UGP2: variants seen among roughly 807,000 people sequenced by gnomAD.
UGP2 encodes the protein UDP-glucose pyrophosphorylase 2.
A neutral mutation model predicts 49.0 loss-of-function variants in UGP2; 40 were observed. The ratio of observed to expected loss-of-function variants is 0.82; its 90% CI spans 0.63 to 1.06. UGP2 has a LOEUF of 1.06. Among genes scored for constraint, UGP2 ranks in the 50% least tolerant of loss-of-function variants. The pLI, the probability that UGP2 is intolerant of heterozygous loss-of-function variation, is 0.00. For synonymous variants in UGP2, 225 were observed against 213.0 expected, an observed-to-expected ratio of 1.06 and a Z score of -0.49; for missense variants, 460 against 603.5, an observed-to-expected ratio of 0.76 and a Z score of 2.49.
At chr2:63,888,807 T>C (rs555793273) in intron 8 of UGP2, 42 of 152,334 alleles carry the variant, frequency 2.8e-4, no homozygotes, top group African/African-American at 9.9e-4. Context: ...ATCAGCGTTA[T>C]AACAAAGTAA....
At chr2:63,888,734 T>TG (rs1470273259) in intron 8 of UGP2, 1 of 152,206 alleles carries the variant, frequency 6.6e-6, no homozygotes, top group Non-Finnish European at 1.5e-5. Context: ...CACACAGATG[T>TG]GGGGAGAACG....
intron 3 of UGP2, among the ~76,000 whole-genome samples, chr2:63,878,800 A>C (rs1671101069): frequency 6.6e-6 from 1 of 152,142 alleles, no homozygotes. Context: ...TCCTGGGCTT[A>C]AGTGATCCTC....
chr2:63,889,300 G>GT (rs537842839), intron 8 of UGP2: 155 of 149,836 alleles, frequency 1.0e-3, no homozygotes, highest in Middle Eastern at 3.4e-3. Flanking sequence ...TTGAGTTTTT[G>GT]TTTTTTTTTA....
intron 3 of UGP2, among the ~76,000 whole-genome samples, chr2:63,859,459 T>TTTGTACTTTTGTACA (rs1669683274): frequency 1.3e-5 from 2 of 152,206 alleles, no homozygotes; most frequent in African/African-American, 4.8e-5. Flanking sequence ...TGGAGAAATC[T>TTTGTACTTTTGTACA]ATCTTTTGTA....
chr2:63,882,633 G>C lies in UGP2; in HGVS notation c.423G>C (p.Leu141=). The change falls in exon 4 of 10, where the codon CTG becomes CTC. Residue 141 remains leucine (L), a synonymous_variant. Transcript: ENST00000337130. ...GVRNENTFLD[L]TVQQIEHLNK... is the part of the protein sequence containing the mutation. ...GGAATGAGAATACCTTTCTGGATCTGACTGTTCAGCAAATTGAAGTGAGTA... is the reference window on the plus strand; with the variant it reads ...GGAATGAGAATACCTTTCTGGATCTCACTGTTCAGCAAATTGAAGTGAGTA... 1.9e-6 allele frequency: 3 copies of C among 1,577,704 alleles called. No homozygotes were observed. Among genetic ancestry groups the C allele is most frequent in the Middle Eastern group, 1.7e-4 (1 of 5,926 alleles).
chr2:63,848,269 T>C (rs147093722), intron 1 of UGP2, among the ~76,000 whole-genome samples: 123 of 152,312 alleles, frequency 8.1e-4, no homozygotes, highest in African/African-American at 2.8e-3. Flanking sequence ...GAACTTGGAG[T>C]AATAGTGTTT....
intron 1 of UGP2, among the ~76,000 whole-genome samples, chr2:63,850,379 G>A (rs1451010106): frequency 1.3e-5 from 2 of 152,092 alleles, no homozygotes; most frequent in Non-Finnish European, 2.9e-5. Flanking sequence ...ATATATCTCA[G>A]TGTAGTCATA....
chr2:63,845,318 A>G lies in UGP2; in HGVS notation c.19+3114A>G, dbSNP rs141776028. 7.0e-3 allele frequency among the ~76,000 whole-genome samples: 1,066 copies of G among 152,258 alleles called. 19 individuals carry two copies. The highest frequency in any genetic ancestry group is 0.025 in the African/African-American group (1,029 of 41,546). On this transcript the variant is annotated intron_variant, in intron 1 of 9. Coordinates refer to ENST00000337130, the MANE Select transcript of UGP2 (RefSeq NM_006759.4). The stretch of plus-strand genomic sequence containing the variant: ...TTATTGAGAGGCTGAAATGAGATGA[A>G]CTATGTGGATGTGCTAGGCACATAT...
At chr2:63,866,718 A>C (rs1244477994) in intron 3 of UGP2, among the ~76,000 whole-genome samples, 2 of 152,162 alleles carry the variant, frequency 1.3e-5, no homozygotes, top group Non-Finnish European at 2.9e-5. Flanking sequence ...ATAGGTGGGA[A>C]ATGAGGGTAG....
At chr2:63,861,525 T>TC (rs1669844833) in intron 3 of UGP2, among the ~76,000 whole-genome samples, 1 of 105,242 alleles carries the variant, frequency 9.5e-6, no homozygotes, top group Non-Finnish European at 2.5e-5. Flanking sequence ...CCTCTACAAA[T>TC]TTTTTTTTTT....
rs141718004 is a variant in UGP2, at chr2:63,883,848, C to T, written c.442-112C>T. The T allele has an allele frequency of 6.9e-4, 926 of 1,344,648 alleles. 13 individuals carry two copies. The East Asian group carries it at 0.018, about 27-fold the overall frequency. The allele number at this position is 1,344,648 out of a possible 1,614,324, so 83.3% of individuals were successfully genotyped here. On this transcript the variant is annotated intron_variant, in intron 4 of 9. Transcript: ENST00000337130. Reference sequence around the variant, plus strand: ...TTTGTCAAATCTGTATATTTGGCTACGTACAGATGATGTTTTAGATATTTT... The same window carrying T: ...TTTGTCAAATCTGTATATTTGGCTATGTACAGATGATGTTTTAGATATTTT...
chr2:63,867,168 C>A, intron 3 of UGP2, among the ~76,000 whole-genome samples: 1 of 152,148 alleles, frequency 6.6e-6, no homozygotes, highest in Non-Finnish European at 1.5e-5. Context: ...TTACTTCAAG[C>A]TCTATGTAAA....
intron 6 of UGP2, 67 bp from the exon 7 acceptor site, chr2:63,886,274 C>A: frequency 1.4e-6 from 2 of 1,439,902 alleles, no homozygotes; most frequent in South Asian, 2.3e-5. Flanking sequence ...TAATCACTAT[C>A]TTTGTATTTA....
At chr2:63,841,431 C>T (rs1210297391), upstream of UGP2, among the ~76,000 whole-genome samples, 3 of 152,064 alleles carry the variant, frequency 2.0e-5, no homozygotes, top group African/African-American at 7.2e-5. Flanking sequence ...CGCCGGTGCA[C>T]GGGTCTGCCT....
intron 3 of UGP2, among the ~76,000 whole-genome samples, chr2:63,870,047 T>C (rs1464285684): frequency 1.3e-5 from 2 of 151,586 alleles, no homozygotes; most frequent in East Asian, 1.9e-4. Flanking sequence ...CTCAGCCTCC[T>C]GAGTAGCTGG....
rs1386772684 is a variant in UGP2 at position 63,887,473 on chromosome 2, T to G, written c.1143T>G (p.Asn381Lys). The change falls in exon 8 of 10, where the codon AAT becomes AAG. Residue 381 changes from asparagine (N) to lysine (K), a missense_variant. Asn to Lys is a moderately conservative substitution (Grantham distance 94, BLOSUM62 0). Transcript: ENST00000337130. ...GGGCTGCCATCAAAAGTTTTGAGAA[T>G]TCTCTAGGTATTAATGTGCCAAGGA... is the stretch of plus-strand genomic sequence containing the variant. ...AVGAAIKSFENSLGINVPRSR... is the reference protein window; with the variant it reads ...AVGAAIKSFEKSLGINVPRSR... 1 of 1,614,040 alleles carries G rather than the reference T, an allele frequency of 6.2e-7. No homozygotes were observed.
chr2:63,889,700 G>T (rs1040776122), intron 8 of UGP2: 1 of 159,470 alleles, frequency 6.3e-6, no homozygotes, highest in Non-Finnish European at 1.4e-5. Flanking sequence ...TTCAGAATCC[G>T]ACCTATCCAC....
chr2:63,848,764 T>G (rs1346895059), intron 1 of UGP2, among the ~76,000 whole-genome samples: 3 of 152,226 alleles, frequency 2.0e-5, no homozygotes, highest in South Asian at 2.1e-4. Flanking sequence ...AAATTAAACT[T>G]TGTGTGTTTT....
chr2:63,867,462 A>G (rs1345177114), intron 3 of UGP2, among the ~76,000 whole-genome samples: 11 of 152,208 alleles, frequency 7.2e-5, no homozygotes, highest in Non-Finnish European at 1.6e-4. Flanking sequence ...TCATAAAAGC[A>G]TTTACTGTGT....
Sources: allele counts gnomAD v4.1 joint callset (sites outside exome capture counted in the v4.1 genomes callset), GRCh38; gene constraint gnomAD v4.1.1; transcripts MANE v1.5; gene names NCBI Gene and HGNC (gene_info 2026-07-23, HGNC 2026-07-21).